CDH10: variants seen among roughly 807,000 people sequenced by gnomAD.
CDH10 encodes the protein cadherin 10, also known as cadherin-10.
CDH10 carries 30 observed loss-of-function variants against 73.1 expected under a neutral mutation model. The observed-to-expected ratio is 0.41, with a 90% confidence interval of 0.31 to 0.56. The LOEUF is 0.56. Among genes scored for constraint, CDH10 ranks in the 20% least tolerant of loss-of-function variants. CDH10 has a pLI of 0.27. For synonymous variants in CDH10, 345 were observed against 348.2 expected, an observed-to-expected ratio of 0.99 and a Z score of 0.10; for missense variants, 815 against 973.7, an observed-to-expected ratio of 0.84 and a Z score of 2.17.
At chr5:24,605,861 T>C (rs1561192657) in intron 1 of CDH10, among the ~76,000 whole-genome samples, 1 of 152,200 alleles carries the variant, frequency 6.6e-6, no homozygotes, top group East Asian at 1.9e-4. Context: ...ATCCATACAA[T>C]GACATACTAC....
chr5:24,519,017 A>G (rs1208643325), intron 5 of CDH10, among the ~76,000 whole-genome samples: 1 of 149,782 alleles, frequency 6.7e-6, no homozygotes, highest in African/African-American at 2.5e-5. Flanking sequence ...CAGCCTCCTG[A>G]GTAGCTGGGA....
intron 1 of CDH10, among the ~76,000 whole-genome samples, chr5:24,595,284 C>T (rs1746334034): frequency 6.6e-6 from 1 of 151,866 alleles, no homozygotes; most frequent in Non-Finnish European, 1.5e-5. Flanking sequence ...ATGCTTACAT[C>T]CACAGTAATT....
intron 5 of CDH10, among the ~76,000 whole-genome samples, chr5:24,512,290 C>G (rs1420802975): frequency 6.6e-6 from 1 of 151,460 alleles, no homozygotes; most frequent in Non-Finnish European, 1.5e-5. Flanking sequence ...GAGACGCAAG[C>G]CACGCACCAA....
At chr5:24,515,131 A>C (rs2111785601) in intron 5 of CDH10, among the ~76,000 whole-genome samples, 1 of 152,328 alleles carries the variant, frequency 6.6e-6, no homozygotes, top group South Asian at 2.1e-4. Flanking sequence ...GATAGTATCA[A>C]GATTGTGACA....
intron 2 of CDH10, among the ~76,000 whole-genome samples, chr5:24,587,495 T>A (rs1350949051): frequency 6.6e-6 from 1 of 152,196 alleles, no homozygotes; most frequent in African/African-American, 2.4e-5. Context: ...TCATTGCCAT[T>A]ACATATGTAC....
At chr5:24,546,740 TA>T (rs1357854932) in intron 2 of CDH10, among the ~76,000 whole-genome samples, 1 of 152,134 alleles carries the variant, frequency 6.6e-6, no homozygotes, top group Non-Finnish European at 1.5e-5. Context: ...TTTCTGAAAC[TA>T]AAAGTATAGT....
intron 2 of CDH10, among the ~76,000 whole-genome samples, chr5:24,555,316 C>T (rs578142993): frequency 2.0e-5 from 3 of 152,120 alleles, no homozygotes; most frequent in African/African-American, 7.2e-5. Flanking sequence ...ACAAGCCTGA[C>T]CATTAAATGA....
intron 1 of CDH10, among the ~76,000 whole-genome samples, chr5:24,596,471 CT>C (rs1490313954): frequency 6.6e-6 from 1 of 151,726 alleles, no homozygotes; most frequent in Non-Finnish European, 1.5e-5. Context: ...TAACCTCAAT[CT>C]TTCTTATTTA....
At chr5:24,510,460 C>A (rs529039522) in intron 6 of CDH10, among the ~76,000 whole-genome samples, 1 of 152,238 alleles carries the variant, frequency 6.6e-6, no homozygotes, top group African/African-American at 2.4e-5. Context: ...TTCTATCTCA[C>A]CTATTCTGAA....
intron 1 of CDH10, chr5:24,613,257 T>A (rs1747008763): frequency 6.6e-6 from 1 of 152,056 alleles, no homozygotes; most frequent in Non-Finnish European, 1.5e-5. Flanking sequence ...TTGTGGTGAG[T>A]AAAAGTACCT....
chr5:24,644,953 C>T lies in CDH10; in HGVS notation c.-483G>A, dbSNP rs1748174584. 1 of 152,062 alleles carries T rather than the reference C, an allele frequency of 6.6e-6. No individual in the cohort carries two copies. Among genetic ancestry groups the T allele is most frequent in the African/African-American group, 2.4e-5 (1 of 41,410 alleles). The allele number at this position is 152,062 out of a possible 1,614,324, so 9.4% of individuals were successfully genotyped here. A position where few individuals can be genotyped will look rare whatever the true frequency, so the allele number is the denominator to read the frequency against. ...TTAGAGACTGTGGAAGTGCTGGCTT[C>T]TGCGAGCACACAGCGATTTGCAAGT... On this transcript the variant is annotated 5_prime_UTR_variant, in exon 1 of 12. Coordinates refer to ENST00000264463, the MANE Select transcript of CDH10 (RefSeq NM_006727.5).
chr5:24,517,130 AG>A (rs1248020312), intron 5 of CDH10, among the ~76,000 whole-genome samples: 4 of 152,150 alleles, frequency 2.6e-5, no homozygotes. Context: ...TTTCAGCAAA[AG>A]AAAAAATTCT....
chr5:24,581,754 C>T (rs992794473), intron 2 of CDH10, among the ~76,000 whole-genome samples: 8 of 152,208 alleles, frequency 5.3e-5, no homozygotes, highest in Admixed American at 3.9e-4. Flanking sequence ...GTAACCGAAA[C>T]TTGAACTGTT....
intron 2 of CDH10, among the ~76,000 whole-genome samples, chr5:24,564,974 G>A (rs978823442): frequency 4.6e-5 from 7 of 152,032 alleles, no homozygotes; most frequent in African/African-American, 1.7e-4. Context: ...TTCTGACTCT[G>A]AATGCCCTCA....
chr5:24,604,915 AAAAG>A (rs1480926209), intron 1 of CDH10, among the ~76,000 whole-genome samples: 3 of 150,942 alleles, frequency 2.0e-5, no homozygotes, highest in Non-Finnish European at 4.4e-5. Flanking sequence ...ACAAACAAAC[AAAAG>A]AAAGTCAAAA....
chr5:24,554,172 A>T (rs1744676334), intron 2 of CDH10: 1 of 123,282 alleles, frequency 8.1e-6, no homozygotes, highest in South Asian at 3.0e-4. Flanking sequence ...CTCACCTACC[A>T]TTTGACTGCA....
rs191269880 is a variant in CDH10, at chr5:24,633,077, T to G, written c.-124+11517A>C. Reference sequence around the variant, plus strand: ...AGCTATATACAAAGACAATTTATTTTGATCAAATTTATTCATGTTTACCTT... The same window carrying G: ...AGCTATATACAAAGACAATTTATTTGGATCAAATTTATTCATGTTTACCTT... On this transcript the variant is annotated intron_variant, in intron 1 of 11. Coordinates refer to ENST00000264463, the MANE Select transcript of CDH10 (RefSeq NM_006727.5). Among the ~76,000 whole-genome samples the G allele has an allele frequency of 8.0e-3, 1,207 of 150,488 alleles. 13 individuals carry two copies. The highest frequency in any genetic ancestry group is 0.038 in the South Asian group (183 of 4,758).
chr5:24,560,947 T>A (rs1744938574), intron 2 of CDH10, among the ~76,000 whole-genome samples: 1 of 152,170 alleles, frequency 6.6e-6, no homozygotes, highest in Admixed American at 6.5e-5. Context: ...TCTAGCTATG[T>A]AATTTATTAG....
rs541623645 is a variant in CDH10 at position 24,573,484 on chromosome 5, G to A, written c.231+19776C>T. Among the ~76,000 whole-genome samples, 1,313 of 151,910 alleles carry A rather than the reference G, an allele frequency of 8.6e-3. 30 individuals carry two copies. The highest frequency in any genetic ancestry group is 0.03 in the African/African-American group (1,238 of 41,438). ...TGGGAGGCCGAGGCAGGCAGATCAC[G>A]AGGTCAGGAGATTGAGACCATCCTG... On this transcript the variant is annotated intron_variant, in intron 2 of 11. Coordinates refer to ENST00000264463, the MANE Select transcript of CDH10 (RefSeq NM_006727.5).
Sources: gnomAD v4.1 joint callset for allele counts (sites outside exome capture counted in the v4.1 genomes callset) on GRCh38, gnomAD v4.1.1 for gene constraint, MANE v1.5 for transcripts, NCBI Gene and HGNC (gene_info 2026-07-23, HGNC 2026-07-21) for gene names.